GMDS: variants seen among roughly 807,000 people sequenced by gnomAD.
The protein encoded by GMDS is GDP-mannose 4,6 dehydratase.
A neutral mutation model predicts 49.9 loss-of-function variants in GMDS; 20 were observed. The ratio of observed to expected loss-of-function variants is 0.40; its 90% CI spans 0.28 to 0.58. The LOEUF (loss-of-function observed/expected upper bound fraction) is 0.58. Among genes scored for constraint, GMDS ranks in the 20% least tolerant of loss-of-function variants. GMDS has a pLI of 0.42. For synonymous variants in GMDS, 177 were observed against 178.6 expected, an observed-to-expected ratio of 0.99 and a Z score of 0.07; for missense variants, 362 against 481.4, an observed-to-expected ratio of 0.75 and a Z score of 2.32.
At chr6:1,938,614 G>C (rs954747170) in intron 6 of GMDS, among the ~76,000 whole-genome samples, 1 of 151,784 alleles carries the variant, frequency 6.6e-6, no homozygotes, top group African/African-American at 2.4e-5. Context: ...GTTTTCTTTG[G>C]TATTCTGGGG....
intron 7 of GMDS, among the ~76,000 whole-genome samples, chr6:1,843,148 T>TAAAATAAAATAAA (rs1394761225): frequency 2.0e-5 from 3 of 151,630 alleles, no homozygotes; most frequent in Non-Finnish European, 1.5e-5. Flanking sequence ...TAAAATAAAA[T>TAAAATAAAATAAA]AAAGAGAATT....
At chr6:2,182,038 T>C (rs1043437431) in intron 1 of GMDS, among the ~76,000 whole-genome samples, 3 of 152,252 alleles carry the variant, frequency 2.0e-5, no homozygotes, top group Non-Finnish European at 4.4e-5. Context: ...TTAAAAGTAC[T>C]ACTCCAGTGT....
chr6:1,970,478 G>C (rs183410306), intron 4 of GMDS, among the ~76,000 whole-genome samples: 1 of 152,336 alleles, frequency 6.6e-6, no homozygotes, highest in Non-Finnish European at 1.5e-5. Flanking sequence ...AAGCACTGCG[G>C]CTCAGTGGGC....
rs138401150 is a variant in GMDS at position 1,669,414 on chromosome 6, C to T, written c.988-44874G>A. 9.0e-3 allele frequency among the ~76,000 whole-genome samples: 1,364 copies of T among 152,268 alleles called. 23 individuals carry two copies. The highest frequency in any genetic ancestry group is 0.032 in the African/African-American group (1,311 of 41,524). On this transcript the variant is annotated intron_variant, in intron 9 of 10. Coordinates refer to ENST00000380815, the MANE Select transcript of GMDS (RefSeq NM_001500.4). ...AATCAGTCATCTCTGAGGTTCTTCC[C>T]ATTTTTAGGATTCAATAAATGTATG...
At chr6:2,120,176 AC>A (rs1244960054) in intron 2 of GMDS, among the ~76,000 whole-genome samples, 2 of 152,156 alleles carry the variant, frequency 1.3e-5, no homozygotes, top group Non-Finnish European at 2.9e-5. Flanking sequence ...GTATCAAATC[AC>A]TTAATCATCA....
At chr6:2,014,047 T>A (rs1209901815) in intron 4 of GMDS, among the ~76,000 whole-genome samples, 1 of 148,648 alleles carries the variant, frequency 6.7e-6, no homozygotes, top group African/African-American at 2.5e-5. Context: ...GACAACTGTA[T>A]GAAATATTTA....
At chr6:1,727,942 G>T (rs905555872) in intron 8 of GMDS, among the ~76,000 whole-genome samples, 2 of 152,160 alleles carry the variant, frequency 1.3e-5, no homozygotes, top group African/African-American at 4.8e-5. Context: ...CACAAAAAGG[G>T]ATGTTTGGTA....
chr6:1,818,644 G>A lies in GMDS; in HGVS notation c.772-76058C>T, dbSNP rs963806875. ...AAAAAAAAAGTGAGCAAGGGGAGAA[G>A]AAAGGCTAACTATCTGGTGGGAAAA... On this transcript the variant is annotated intron_variant, in intron 7 of 10. Transcript: ENST00000380815. 5.4e-5 allele frequency among the ~76,000 whole-genome samples: 8 copies of A among 147,808 alleles called. No homozygotes were observed. The East Asian group carries it at 1.4e-3, about 25-fold the overall frequency.
chr6:2,210,647 G>C (rs12529507), intron 1 of GMDS, among the ~76,000 whole-genome samples: 12,667 of 152,212 alleles, frequency 0.083, 1,001 homozygotes, highest in East Asian at 0.41. Context: ...TTACTCCCAA[G>C]GTGGGGTAAG....
intron 1 of GMDS, among the ~76,000 whole-genome samples, chr6:2,143,920 T>TCATC (rs1198828544): frequency 1.3e-5 from 2 of 152,264 alleles, no homozygotes; most frequent in African/African-American, 4.8e-5. Flanking sequence ...ATTCATTCAT[T>TCATC]CATCAGAAAT....
At chr6:1,776,119 C>T (rs936674719) in intron 7 of GMDS, among the ~76,000 whole-genome samples, 10 of 152,102 alleles carry the variant, frequency 6.6e-5, no homozygotes, top group Non-Finnish European at 1.2e-4. Flanking sequence ...CCAACGAAAG[C>T]CGTGACCGTT....
chr6:2,066,363 T>C (rs9405544), intron 4 of GMDS, among the ~76,000 whole-genome samples: 64,121 of 116,308 alleles, frequency 0.55, 18,124 homozygotes, highest in East Asian at 0.67. Context: ...CATCAACTAA[T>C]GAGCAAAATA....
chr6:1,727,698 C>T (rs548652811), intron 8 of GMDS, among the ~76,000 whole-genome samples: 2 of 152,040 alleles, frequency 1.3e-5, no homozygotes, highest in Non-Finnish European at 2.9e-5. Flanking sequence ...ACCTCATAAG[C>T]CTTATTTCTG....
chr6:2,003,783 G>A (rs1276092286), intron 4 of GMDS, among the ~76,000 whole-genome samples: 1 of 152,096 alleles, frequency 6.6e-6, no homozygotes, highest in Admixed American at 6.6e-5. Context: ...AAAGGTCAAG[G>A]AAACAACTGC....
chr6:1,813,581 T>C (rs550180783), intron 7 of GMDS, among the ~76,000 whole-genome samples: 1 of 152,278 alleles, frequency 6.6e-6, no homozygotes, highest in African/African-American at 2.4e-5. Flanking sequence ...TAGTTCTAGA[T>C]AGCTAATAAT....
chr6:1,927,460 G>A lies in GMDS; in HGVS notation c.771+2643C>T, dbSNP rs116250546. Among the ~76,000 whole-genome samples, 927 of 152,354 alleles carry A rather than the reference G, an allele frequency of 6.1e-3. 8 individuals are homozygous for A. Among genetic ancestry groups the A allele is most frequent in the African/African-American group, 0.021 (868 of 41,556 alleles). ...GCGTGCTGTGTGCACATGCTGGCTTGTGAAAGGCTGTAATGACACCGCCTT... is the reference window on the plus strand; with the variant it reads ...GCGTGCTGTGTGCACATGCTGGCTTATGAAAGGCTGTAATGACACCGCCTT... On this transcript the variant is annotated intron_variant, in intron 7 of 10. Transcript: ENST00000380815.
At position 2,202,117 on chromosome 6, in the gene GMDS, C is replaced by T. The variant is rs372493024; in HGVS notation, c.102+43204G>A. On this transcript the variant is annotated intron_variant, in intron 1 of 10. Coordinates refer to ENST00000380815, the MANE Select transcript of GMDS (RefSeq NM_001500.4). ...ACATGCACATCCGAGATGTAACCAT[C>T]TAGGCAGTGAGGGCAGCATGTTAGC... Among the ~76,000 whole-genome samples the T allele has an allele frequency of 3.6e-4, 52 of 144,010 alleles. 1 individual carries two copies. In the South Asian group the frequency reaches 0.013, roughly 35 times the overall value. 94.5% of individuals were successfully genotyped at this position (144,010 alleles called of 152,430 possible).
chr6:1,686,712 C>T (rs1180982979), intron 9 of GMDS, among the ~76,000 whole-genome samples: 4 of 152,162 alleles, frequency 2.6e-5, no homozygotes, highest in African/African-American at 9.7e-5. Flanking sequence ...TTTTCTATGA[C>T]AGCACTGAGT....
chr6:2,066,332 A>G (rs1308734521), intron 4 of GMDS, among the ~76,000 whole-genome samples: 2 of 143,608 alleles, frequency 1.4e-5, no homozygotes, highest in Non-Finnish European at 3.0e-5. Context: ...TGTAAAGACC[A>G]TTGAGACTAG....
Sources: gnomAD v4.1 joint callset for allele counts (sites outside exome capture counted in the v4.1 genomes callset) on GRCh38, gnomAD v4.1.1 for gene constraint, MANE v1.5 for transcripts, NCBI Gene and HGNC (gene_info 2026-07-23, HGNC 2026-07-21) for gene names.